The following MALRD1 variants were observed in gnomAD, a reference collection of about 807,000 sequenced individuals.
MALRD1 encodes MAM and LDL-receptor class A domain-containing protein 1.
In MALRD1, 247 loss-of-function variants were observed where a neutral mutation model predicts 242.1. The ratio of observed to expected loss-of-function variants is 1.02; its 90% CI spans 0.92 to 1.13. The LOEUF is 1.13. Ranked by LOEUF, MALRD1 falls within the 50% of genes most tolerant of loss-of-function variation. The pLI is 0.00. For synonymous variants in MALRD1, 995 were observed against 866.6 expected (o/e 1.15, Z -2.60); for missense variants, 2,989 against 2,533.1 (o/e 1.18, Z -3.86).
rs114757733 is a variant in MALRD1 at position 19,662,198 on chromosome 10, A to G, written c.6138-30084A>G. On this transcript the variant is annotated intron_variant, in intron 36 of 39. Coordinates refer to ENST00000454679, the MANE Select transcript of MALRD1 (RefSeq NM_001142308.3). ...CTTGCTATTTACTAGGTACTGTTCA[A>G]TACTAACACTATTTCGTATTTATAA... Among the ~76,000 whole-genome samples, 1,203 of 152,284 alleles carry G rather than the reference A, an allele frequency of 7.9e-3. 16 individuals carry two copies. Among genetic ancestry groups the G allele is most frequent in the African/African-American group, 0.025 (1,059 of 41,576 alleles).
chr10:19,284,286 A>G (rs1840984741), intron 21 of MALRD1, among the ~76,000 whole-genome samples: 2 of 151,160 alleles, frequency 1.3e-5, no homozygotes, highest in South Asian at 4.2e-4. Context: ...GTTTTAGGGT[A>G]CATGTGCACA....
intron 4 of MALRD1, among the ~76,000 whole-genome samples, chr10:19,098,298 T>G (rs983615227): frequency 1.3e-5 from 2 of 152,210 alleles, no homozygotes; most frequent in African/African-American, 4.8e-5. Context: ...AAAAAGATAC[T>G]GAAGCATTTT....
intron 36 of MALRD1, among the ~76,000 whole-genome samples, chr10:19,680,223 A>G (rs1842310132): frequency 6.6e-6 from 1 of 152,126 alleles, no homozygotes; most frequent in Non-Finnish European, 1.5e-5. Context: ...GATCTGTGTA[A>G]TATTGACAGT....
At chr10:19,612,091 T>C (rs1459736178) in intron 35 of MALRD1, among the ~76,000 whole-genome samples, 2 of 152,040 alleles carry the variant, frequency 1.3e-5, no homozygotes, top group Admixed American at 1.3e-4. Context: ...TCTCAGACAC[T>C]CTTCTCATGT....
chr10:19,070,234 TA>T (rs1290970613), intron 2 of MALRD1, among the ~76,000 whole-genome samples: 1 of 152,152 alleles, frequency 6.6e-6, no homozygotes, highest in African/African-American at 2.4e-5. Flanking sequence ...AAAATGCATT[TA>T]ATACACCCAA....
chr10:19,548,621 A>AT (rs1018801278), intron 32 of MALRD1, among the ~76,000 whole-genome samples: 5 of 151,826 alleles, frequency 3.3e-5, no homozygotes, highest in Non-Finnish European at 7.4e-5. Context: ...CTACTATTGT[A>AT]TTTTTTTCTG....
intron 26 of MALRD1, among the ~76,000 whole-genome samples, chr10:19,354,954 T>G (rs925564173): frequency 3.3e-5 from 5 of 152,136 alleles, no homozygotes; most frequent in Non-Finnish European, 7.4e-5. Context: ...TATGAGGTTG[T>G]AGTGAAAAAT....
At chr10:19,504,971 C>T (rs1022612167) in intron 31 of MALRD1, among the ~76,000 whole-genome samples, 8 of 152,008 alleles carry the variant, frequency 5.3e-5, no homozygotes, top group African/African-American at 4.8e-5. Flanking sequence ...CGTGAGCCAC[C>T]GCGCCCGGCC....
chr10:19,367,171 C>T (rs566048446), intron 26 of MALRD1, among the ~76,000 whole-genome samples: 1 of 152,152 alleles, frequency 6.6e-6, no homozygotes, highest in African/African-American at 2.4e-5. Flanking sequence ...TTATTGTTAG[C>T]TATAGTCATC....
intron 1 of MALRD1, among the ~76,000 whole-genome samples, chr10:19,062,994 A>G (rs1834866601): frequency 6.6e-6 from 1 of 152,088 alleles, no homozygotes; most frequent in African/African-American, 2.4e-5. Flanking sequence ...AAATGCAAAA[A>G]ATTAGCCAGG....
At chr10:19,355,168 A>T (rs1189896856) in intron 26 of MALRD1, among the ~76,000 whole-genome samples, 1 of 152,006 alleles carries the variant, frequency 6.6e-6, no homozygotes, top group Non-Finnish European at 1.5e-5. Context: ...AAGAACAGGG[A>T]TGGTTCATGC....
intron 20 of MALRD1, among the ~76,000 whole-genome samples, chr10:19,282,406 T>C (rs540256328): frequency 9.2e-5 from 14 of 152,228 alleles, no homozygotes; most frequent in Non-Finnish European, 1.9e-4. Context: ...AAGAATTTCA[T>C]TGAATGAATA....
chr10:19,171,424 A>T (rs11598024), intron 13 of MALRD1, among the ~76,000 whole-genome samples: 2,744 of 17,028 alleles, frequency 0.16, 314 homozygotes, highest in East Asian at 0.52. Context: ...TTTATATTTT[A>T]TATACATATA....
chr10:19,362,040 C>T (rs1178924955), intron 26 of MALRD1, among the ~76,000 whole-genome samples: 4 of 152,194 alleles, frequency 2.6e-5, no homozygotes, highest in Non-Finnish European at 4.4e-5. Flanking sequence ...TGAGTCAAAT[C>T]CTGTGTCTGA....
At chr10:19,342,316 G>C (rs964612592) in intron 24 of MALRD1, among the ~76,000 whole-genome samples, 1 of 152,060 alleles carries the variant, frequency 6.6e-6, no homozygotes, top group Non-Finnish European at 1.5e-5. Flanking sequence ...ATCTAAGGAA[G>C]CATCTTATAA....
chr10:19,498,453 C>A (rs77726240), intron 30 of MALRD1, 32 bp from the exon 31 acceptor site: 1 of 1,523,850 alleles, frequency 6.6e-7, no homozygotes, highest in South Asian at 1.2e-5. Context: ...TAGACATTTC[C>A]AGAAATTCCA....
chr10:19,652,673 C>T (rs1256264109), intron 36 of MALRD1, among the ~76,000 whole-genome samples: 1 of 152,120 alleles, frequency 6.6e-6, no homozygotes, highest in Admixed American at 6.5e-5. Context: ...AACCCCAACA[C>T]CTAAGAACTA....
intron 32 of MALRD1, among the ~76,000 whole-genome samples, chr10:19,562,330 T>TAGAC (rs1836011862): frequency 1.4e-5 from 2 of 144,848 alleles, no homozygotes; most frequent in Non-Finnish European, 3.0e-5. Context: ...GATAGATAGA[T>TAGAC]AGATAGATAG....
chr10:19,163,353 A>G (rs2131497676), intron 12 of MALRD1, among the ~76,000 whole-genome samples: 1 of 152,042 alleles, frequency 6.6e-6, no homozygotes, highest in Admixed American at 6.6e-5. Flanking sequence ...CTTTTGTGGG[A>G]ACGTGGATGG....
Sources: gnomAD v4.1 joint callset for allele counts (sites outside exome capture counted in the v4.1 genomes callset) on GRCh38, gnomAD v4.1.1 for gene constraint, MANE v1.5 for transcripts, NCBI Gene and HGNC (gene_info 2026-07-23, HGNC 2026-07-21) for gene names.